Variants in TXNRD2 observed in about 807,000 individuals in gnomAD.
The protein encoded by TXNRD2 is thioredoxin reductase 2, also known as thioredoxin reductase 2, mitochondrial.
In TXNRD2, 67 loss-of-function variants were observed where a neutral mutation model predicts 70.8. The ratio of observed to expected loss-of-function variants is 0.95; its 90% CI spans 0.78 to 1.16. The LOEUF (loss-of-function observed/expected upper bound fraction) is 1.16, where lower values mean the gene tolerates loss of function less well. TXNRD2 is among the 50% of genes most tolerant of loss of function. The probability of loss-of-function intolerance (pLI) is 0.00; values close to 1 mark genes in which losing one functional copy is unlikely to be tolerated. For missense variants in TXNRD2, 644 were observed against 719.9 expected, an observed-to-expected ratio of 0.89 and a Z score of 1.21; for synonymous variants, 301 against 295.8, an observed-to-expected ratio of 1.02 and a Z score of -0.18.
chr22:19,890,038 C>A (rs369432642), intron 11 of TXNRD2, among the ~76,000 whole-genome samples: 2 of 152,154 alleles, frequency 1.3e-5, no homozygotes, highest in African/African-American at 4.8e-5. Context: ...GGGCTCTGGA[C>A]ATAAGTGTGA....
rs534420081 is a variant in TXNRD2 at position 19,925,055 on chromosome 22, G to T, written c.173-5456C>A. On this transcript the variant is annotated intron_variant, in intron 2 of 17. Coordinates refer to ENST00000400521, the MANE Select transcript of TXNRD2 (RefSeq NM_006440.5). ...ATCCCAGCACTTTGGGAGGCCAAGGGGGGCGGATCACAAGGTCAGGAGATC... is the reference window on the plus strand; with the variant it reads ...ATCCCAGCACTTTGGGAGGCCAAGGTGGGCGGATCACAAGGTCAGGAGATC... Among the ~76,000 whole-genome samples the T allele has an allele frequency of 3.3e-4, 50 of 149,420 alleles. 1 individual carries two copies. In the South Asian group the frequency reaches 6.1e-3, roughly 18 times the overall value.
At chr22:19,878,602 G>A (rs1000714987) in intron 14 of TXNRD2, among the ~76,000 whole-genome samples, 165 bp from the exon 15 acceptor site, 4 of 152,220 alleles carry the variant, frequency 2.6e-5, no homozygotes, top group African/African-American at 4.8e-5. Flanking sequence ...GGCTGGCCAC[G>A]GGGTGTGTGC....
In TXNRD2 at chr22:19,880,630, A is replaced by C; in HGVS notation, c.1174T>G (p.Tyr392Asp). The C allele has an allele frequency of 6.2e-7, 1 of 1,613,334 alleles. No individual in the cohort carries two copies. Among genetic ancestry groups the C allele is most frequent in the Admixed American group, 1.7e-5 (1 of 60,024 alleles). The change falls in exon 13 of 18, where the codon TAC becomes GAC. Residue 392 changes from tyrosine (Y) to aspartate (D), a missense_variant. By Grantham distance (160) the Tyr-to-Asp change is radical. This residue lies in a region of TXNRD2 where 566 missense variants were observed against 645.0 expected (regional missense o/e 0.88). Transcript: ENST00000400521. ...LFGGSSDLMD[Y>D]DNVPTTVFTP... ...CCTGCTAGAGAACTCACATTGTCGT[A>C]GTCCATCAGATCTGAGGACCCGCCG...
intron 7 of TXNRD2, chr22:19,914,976 A>AG: frequency 3.8e-6 from 2 of 528,808 alleles, no homozygotes; most frequent in Non-Finnish European, 7.0e-6. Flanking sequence ...CCAGCGGGGC[A>AG]GGGGGAGAGC....
At chr22:19,896,068 C>T (rs1011831516) in intron 10 of TXNRD2, among the ~76,000 whole-genome samples, 4 of 151,810 alleles carry the variant, frequency 2.6e-5, no homozygotes, top group Admixed American at 6.6e-5. Context: ...GAAGCTGAGG[C>T]GGGCGGATCA....
intron 7 of TXNRD2, among the ~76,000 whole-genome samples, chr22:19,914,218 A>C (rs1940533945): frequency 6.6e-6 from 1 of 152,258 alleles, no homozygotes. Context: ...ACATAAAGTT[A>C]CCACATGACC....
chr22:19,877,970 A>G, intron 16 of TXNRD2, 120 bp downstream of exon 16: 1 of 872,056 alleles, frequency 1.1e-6, no homozygotes, highest in Non-Finnish European at 1.9e-6. Context: ...CTCTGCTGCA[A>G]ACCCACGAAG....
intron 8 of TXNRD2, among the ~76,000 whole-genome samples, chr22:19,910,475 G>C (rs191033240): frequency 6.6e-6 from 1 of 152,098 alleles, no homozygotes; most frequent in African/African-American, 2.4e-5. Context: ...GGGCTCCTGG[G>C]AACCCCATTT....
intron 12 of TXNRD2, chr22:19,881,261 G>A (rs1016773410): frequency 1.1e-4 from 44 of 396,240 alleles, no homozygotes; most frequent in Admixed American, 4.8e-4. Context: ...ACCGTCCTCT[G>A]GGATGGGCTG....
intron 14 of TXNRD2, among the ~76,000 whole-genome samples, chr22:19,878,823 G>A (rs1938625613): frequency 6.6e-6 from 1 of 152,224 alleles, no homozygotes; most frequent in Non-Finnish European, 1.5e-5. Context: ...AGGCCACCTG[G>A]GCTCCCTCAG....
At chr22:19,930,739 T>C (rs1941326409) in intron 2 of TXNRD2, among the ~76,000 whole-genome samples, 1 of 151,982 alleles carries the variant, frequency 6.6e-6, no homozygotes, top group Admixed American at 6.6e-5. Flanking sequence ...ACGGAGGGTG[T>C]GAGTGGTGGG....
At chr22:19,926,642 G>A (rs1941156116) in intron 2 of TXNRD2, among the ~76,000 whole-genome samples, 1 of 150,712 alleles carries the variant, frequency 6.6e-6, no homozygotes, top group Non-Finnish European at 1.5e-5. Flanking sequence ...TTAGCTGGAT[G>A]TGGTGGTGCA....
chr22:19,911,207 C>CTAA, intron 8 of TXNRD2, 170 bp downstream of exon 8: 1 of 701,152 alleles, frequency 1.4e-6, no homozygotes, highest in South Asian at 1.5e-5. Flanking sequence ...AAGTGCTAGG[C>CTAA]TAACAAGCAT....
intron 1 of TXNRD2, among the ~76,000 whole-genome samples, chr22:19,931,336 A>C (rs941694550): frequency 7.2e-5 from 11 of 152,218 alleles, no homozygotes; most frequent in Admixed American, 1.3e-4. Context: ...CACGCACACC[A>C]TACCAACCAC....
At chr22:19,894,131 T>C (rs1419761865) in intron 11 of TXNRD2, 1 of 152,226 alleles carries the variant, frequency 6.6e-6, no homozygotes. Context: ...GGATGCACCC[T>C]GAAAACATTG....
chr22:19,880,321 A>G, intron 13 of TXNRD2, 50 bp from the exon 14 acceptor site: 4 of 1,560,062 alleles, frequency 2.6e-6, no homozygotes, highest in Non-Finnish European at 8.8e-7. Flanking sequence ...CGAAAACCGA[A>G]GTTCCCCACT....
intron 6 of TXNRD2, 65 bp from the exon 7 acceptor site, chr22:19,915,341 T>G: frequency 3.9e-6 from 6 of 1,544,800 alleles, no homozygotes; most frequent in Non-Finnish European, 4.4e-6. Context: ...CCGGAGGGCC[T>G]GAGCACCACA....
At chr22:19,899,092 C>T in intron 8 of TXNRD2, 24 bp from the exon 9 acceptor site, 2 of 1,607,062 alleles carry the variant, frequency 1.2e-6, no homozygotes, top group Non-Finnish European at 1.7e-6. Context: ...AGAGAGAGAG[C>T]ACATGTAAAG....
chr22:19,879,571 G>T, intron 14 of TXNRD2, among the ~76,000 whole-genome samples: 1 of 146,180 alleles, frequency 6.8e-6, no homozygotes, highest in South Asian at 2.2e-4. Context: ...GGGGGCTCTC[G>T]CCTGGGAGAA....
Sources: allele counts gnomAD v4.1 joint callset (sites outside exome capture counted in the v4.1 genomes callset), GRCh38; gene constraint gnomAD v4.1.1; regional missense constraint gnomAD v4.1.1; transcripts MANE v1.5; gene names NCBI Gene and HGNC (gene_info 2026-07-23, HGNC 2026-07-21).